Variants in ZC3H6 observed in about 807,000 individuals in gnomAD.
ZC3H6 encodes the protein zinc finger CCCH domain-containing protein 6.
In ZC3H6, 40 loss-of-function variants were observed where a neutral mutation model predicts 107.7. That is an observed-to-expected ratio of 0.37 (90% confidence interval 0.29 to 0.48). ZC3H6 has a LOEUF of 0.48. Among genes scored for constraint, ZC3H6 ranks in the 20% least tolerant of loss-of-function variants. The pLI is 0.98. For missense variants in ZC3H6, 1,267 were observed against 1,410.4 expected (o/e 0.90, Z 1.63); for synonymous variants, 493 against 487.9 (o/e 1.01, Z -0.14).
chr2:112,317,696 A>G (rs1265640698), intron 7 of ZC3H6, among the ~76,000 whole-genome samples: 1 of 152,168 alleles, frequency 6.6e-6, no homozygotes, highest in Non-Finnish European at 1.5e-5. Context: ...TGTGAAGATT[A>G]TAAGTCTTAT....
chr2:112,324,609 A>G lies in ZC3H6; in HGVS notation c.1798A>G (p.Asn600Asp), dbSNP rs562829375. The G allele has an allele frequency of 3.1e-6, 5 of 1,611,418 alleles. No homozygotes were observed. The East Asian group carries it at 8.9e-5, about 29-fold the overall frequency. Reference sequence around the variant, plus strand: ...GCAAAACCCAGCTGAGTTTTACGATAATTACTATGCACAGCATTCTATACA... The same window carrying G: ...GCAAAACCCAGCTGAGTTTTACGATGATTACTATGCACAGCATTCTATACA... ...SLQNPAEFYD[N>D]YYAQHSIHNF... Residue 600 changes from asparagine (N) to aspartate (D), a missense_variant, in exon 10 of 12, where the codon AAT becomes GAT. Asn to Asp is a conservative substitution (Grantham distance 23). Around this residue, in one of 3 missense-constraint regions of ZC3H6, gnomAD observed 925 missense variants for 1,025.7 expected, o/e 0.90. Coordinates refer to ENST00000409871, the MANE Select transcript of ZC3H6 (RefSeq NM_198581.3).
rs1278838199 is a variant in ZC3H6, at chr2:112,331,629, C to CACTTAT, written c.2713_2718dup (p.Leu905_Ile906dup). 6 of 1,613,940 alleles carry CACTTAT rather than the reference C, an allele frequency of 3.7e-6. No homozygotes were observed. The East Asian group carries it at 1.3e-4, about 36-fold the overall frequency. On this transcript the variant is annotated inframe_insertion, in exon 12 of 12. Coordinates refer to ENST00000409871, the MANE Select transcript of ZC3H6 (RefSeq NM_198581.3). ...TCTTCAATCAATTTACCTCTGCCCCCACTTATAGCTGACCAGAGGCTAAAT... is the reference window on the plus strand; with the variant it reads ...TCTTCAATCAATTTACCTCTGCCCCCACTTATACTTATAGCTGACCAGAGGCTAAAT...
intron 1 of ZC3H6, among the ~76,000 whole-genome samples, chr2:112,282,090 T>C (rs1686539147): frequency 6.6e-6 from 1 of 152,232 alleles, no homozygotes; most frequent in South Asian, 2.1e-4. Context: ...ATTCATAGTT[T>C]CTTGGCAAAC....
intron 11 of ZC3H6, among the ~76,000 whole-genome samples, chr2:112,330,433 A>G (rs1677004548): frequency 6.6e-6 from 1 of 152,212 alleles, no homozygotes; most frequent in Non-Finnish European, 1.5e-5. Context: ...AATAAAGAGT[A>G]AATGAAAAGT....
chr2:112,289,244 C>T (rs1388143280), intron 1 of ZC3H6, among the ~76,000 whole-genome samples: 2 of 150,284 alleles, frequency 1.3e-5, no homozygotes, highest in Non-Finnish European at 3.0e-5. Flanking sequence ...GTGATCTGCC[C>T]ACCTCAGCCT....
intron 1 of ZC3H6, 55 bp from the exon 2 acceptor site, chr2:112,299,794 T>C: frequency 8.1e-7 from 1 of 1,240,310 alleles, no homozygotes; most frequent in Non-Finnish European, 1.0e-6. Flanking sequence ...TTGAAAATCT[T>C]TCTGTAAGAT....
intron 1 of ZC3H6, among the ~76,000 whole-genome samples, chr2:112,279,469 T>C (rs1686488452): frequency 6.6e-6 from 1 of 152,212 alleles, no homozygotes; most frequent in Non-Finnish European, 1.5e-5. Flanking sequence ...TTTTAAGAGC[T>C]TGTGAGTCTC....
intron 9 of ZC3H6, among the ~76,000 whole-genome samples, chr2:112,323,430 C>T (rs1676842363): frequency 6.6e-6 from 1 of 152,094 alleles, no homozygotes; most frequent in Admixed American, 6.6e-5. Flanking sequence ...GAGGTCTCAG[C>T]CAATGAGGAA....
chr2:112,327,285 C>G (rs1676922009), intron 11 of ZC3H6, among the ~76,000 whole-genome samples: 1 of 152,062 alleles, frequency 6.6e-6, no homozygotes, highest in Non-Finnish European at 1.5e-5. Context: ...ATGTTGTGCA[C>G]CTTTTCATAT....
chr2:112,289,316 CTTTTTCTTT>C (rs1676045941), intron 1 of ZC3H6, among the ~76,000 whole-genome samples: 6 of 132,258 alleles, frequency 4.5e-5, no homozygotes, highest in Non-Finnish European at 3.3e-5. Context: ...CTTTTTTTTT[CTTTTTCTTT>C]TTTTTTTTTT....
chr2:112,315,538 T>G (rs914321320), intron 5 of ZC3H6, among the ~76,000 whole-genome samples: 2 of 152,108 alleles, frequency 1.3e-5, no homozygotes, highest in Non-Finnish European at 2.9e-5. Flanking sequence ...TATTTATTAT[T>G]GTAGAATTGG....
At chr2:112,288,254 C>T (rs1170771271) in intron 1 of ZC3H6, among the ~76,000 whole-genome samples, 3 of 151,854 alleles carry the variant, frequency 2.0e-5, no homozygotes, top group Non-Finnish European at 4.4e-5. Context: ...TTGGTATTCT[C>T]TGAAGGAAAA....
Position 112,332,246 on chromosome 2 carries a change from C to T in ZC3H6, c.3328C>T (p.Pro1110Ser). The T allele has an allele frequency of 6.2e-7, 1 of 1,613,946 alleles. No individual in the cohort carries two copies. Among genetic ancestry groups the T allele is most frequent in the Non-Finnish European group, 8.5e-7 (1 of 1,179,864 alleles). The part of the protein sequence containing the change: ...SPNVGVTLEG[P>S]ADPQADVPRS... ...AAACGTGGGAGTCACTCTTGAGGGG[C>T]CAGCTGACCCACAGGCGGACGTTCC... The change falls in exon 12 of 12, where the codon CCA (proline) becomes TCA (serine). Residue 1110 changes from proline (P) to serine (S), a missense_variant. Pro to Ser is a moderately conservative substitution (Grantham distance 74, BLOSUM62 -1). Transcript: ENST00000409871.
At chr2:112,309,818 C>A in intron 3 of ZC3H6, 67 bp from the exon 4 acceptor site, 1 of 1,457,000 alleles carries the variant, frequency 6.9e-7, no homozygotes, top group Non-Finnish European at 9.2e-7. Flanking sequence ...AAAAGGATGT[C>A]CTGTGCTACT....
intron 1 of ZC3H6, among the ~76,000 whole-genome samples, 155 bp downstream of exon 1, chr2:112,276,181 C>T (rs2104687198): frequency 6.8e-6 from 1 of 147,892 alleles, no homozygotes; most frequent in African/African-American, 2.4e-5. Flanking sequence ...ACTGCTGGAT[C>T]GCGGCCGCGG....
intron 11 of ZC3H6, among the ~76,000 whole-genome samples, chr2:112,327,474 C>CT (rs1226764593): frequency 6.6e-6 from 1 of 152,084 alleles, no homozygotes; most frequent in Non-Finnish European, 1.5e-5. Context: ...TGTGGATTGT[C>CT]TCATCATTTG....
At chr2:112,317,396 TA>T in intron 7 of ZC3H6, 64 bp downstream of exon 7, 1 of 879,544 alleles carries the variant, frequency 1.1e-6, no homozygotes, top group Non-Finnish European at 1.7e-6. Context: ...ATTGAGGTTT[TA>T]AAAAATAATA....
At chr2:112,308,263 A>T (rs904651019) in intron 3 of ZC3H6, among the ~76,000 whole-genome samples, 1 of 152,122 alleles carries the variant, frequency 6.6e-6, no homozygotes, top group African/African-American at 2.4e-5. Flanking sequence ...TTTAAAATTT[A>T]AAATTGATGA....
chr2:112,313,436 T>G (rs2104714751), intron 5 of ZC3H6, among the ~76,000 whole-genome samples: 1 of 152,208 alleles, frequency 6.6e-6, no homozygotes, highest in African/African-American at 2.4e-5. Flanking sequence ...TTAAACAAAA[T>G]TAGCTTCCAG....
Sources: allele counts gnomAD v4.1 joint callset (sites outside exome capture counted in the v4.1 genomes callset), GRCh38; gene constraint gnomAD v4.1.1; regional missense constraint gnomAD v4.1.1; transcripts MANE v1.5; gene names NCBI Gene and HGNC (gene_info 2026-07-23, HGNC 2026-07-21).